The following ENOX1 variants were observed in gnomAD, a reference collection of about 807,000 sequenced individuals.
ENOX1 encodes the protein candidate growth-related and time keeping constitutive hydroquinone (NADH) oxidase.
In ENOX1, 42 loss-of-function variants were observed where a neutral mutation model predicts 82.5. The ratio of observed to expected loss-of-function variants is 0.51; its 90% confidence interval spans 0.40 to 0.66. ENOX1 has a LOEUF of 0.66. ENOX1 is among the 30% of genes least tolerant of loss of function. The pLI is 0.00. For missense variants in ENOX1, 608 were observed against 811.6 expected (o/e 0.75, Z 3.05); for synonymous variants, 271 against 282.2 (o/e 0.96, Z 0.40).
intron 2 of ENOX1, among the ~76,000 whole-genome samples, chr13:43,493,494 C>T (rs755419033): frequency 3.9e-5 from 6 of 152,188 alleles, no homozygotes; most frequent in Non-Finnish European, 8.8e-5. Flanking sequence ...TATCCAACAG[C>T]AGAAGGAAAA....
intron 1 of ENOX1, among the ~76,000 whole-genome samples, chr13:43,715,642 A>G (rs1006832438): frequency 6.6e-6 from 1 of 151,704 alleles, no homozygotes; most frequent in Non-Finnish European, 1.5e-5. Flanking sequence ...ATAGTCCCAT[A>G]TTTCTTGGAG....
In ENOX1 at chr13:43,540,239, ATTTG is replaced by A. The variant is rs150147532; in HGVS notation, c.-218-56091_-218-56088del. On this transcript the variant is annotated intron_variant, in intron 2 of 16. Transcript: ENST00000690772. ...ATCAGATCTGGTTCAGAAAAACATA[ATTTG>A]TTTTTTTCCCTAACACTATTCAGCA... Among the ~76,000 whole-genome samples, 141 of 152,308 alleles carry A rather than the reference ATTTG, an allele frequency of 9.3e-4. 1 individual carries two copies. Among genetic ancestry groups the A allele is most frequent in the African/African-American group, 3.1e-3 (128 of 41,570 alleles).
intron 1 of ENOX1, among the ~76,000 whole-genome samples, chr13:43,674,588 G>T (rs1566748433): frequency 6.6e-6 from 1 of 152,084 alleles, no homozygotes; most frequent in Non-Finnish European, 1.5e-5. Context: ...GGGGAGGGAA[G>T]GGAGGGAGGA....
At chr13:43,312,270 G>C in intron 11 of ENOX1, among the ~76,000 whole-genome samples, 1 of 152,274 alleles carries the variant, frequency 6.6e-6, no homozygotes, top group East Asian at 1.9e-4. Context: ...AGGTCCCTCA[G>C]ACTCTTATTT....
intron 2 of ENOX1, among the ~76,000 whole-genome samples, chr13:43,645,548 T>G (rs1264452082): frequency 6.6e-6 from 1 of 152,210 alleles, no homozygotes; most frequent in African/African-American, 2.4e-5. Flanking sequence ...TAAAGGTGAT[T>G]AAAGAGACAA....
chr13:43,528,863 G>C (rs2078090624), intron 2 of ENOX1, among the ~76,000 whole-genome samples: 1 of 151,906 alleles, frequency 6.6e-6, no homozygotes, highest in African/African-American at 2.4e-5. Context: ...TCATCATGCT[G>C]GGAAAGTGAT....
chr13:43,657,099 C>A (rs2084472368), intron 2 of ENOX1, among the ~76,000 whole-genome samples: 1 of 152,154 alleles, frequency 6.6e-6, no homozygotes, highest in Admixed American at 6.5e-5. Flanking sequence ...GTTGTATAGT[C>A]CACATTTTGT....
chr13:43,332,189 G>A (rs1425344261), intron 9 of ENOX1, among the ~76,000 whole-genome samples: 2 of 152,158 alleles, frequency 1.3e-5, no homozygotes, highest in African/African-American at 4.8e-5. Context: ...TTTGGCACCA[G>A]GAAATGGTTC....
At chr13:43,608,845 G>A (rs533893342) in intron 2 of ENOX1, among the ~76,000 whole-genome samples, 2 of 152,134 alleles carry the variant, frequency 1.3e-5, no homozygotes, top group South Asian at 4.2e-4. Context: ...CTTTCCTGTC[G>A]GGCACCCTGC....
intron 14 of ENOX1, among the ~76,000 whole-genome samples, chr13:43,248,016 C>G (rs1161410418): frequency 1.4e-5 from 2 of 144,982 alleles, no homozygotes; most frequent in African/African-American, 2.5e-5. Flanking sequence ...CTCCCAAGTA[C>G]CTGGGACTAC....
chr13:43,655,166 C>T (rs11619857), intron 2 of ENOX1, among the ~76,000 whole-genome samples: 2 of 152,254 alleles, frequency 1.3e-5, no homozygotes, highest in East Asian at 3.9e-4. Context: ...GGATGATCTT[C>T]TGGGAATGGG....
chr13:43,616,105 TAG>T (rs1364860147), intron 2 of ENOX1, among the ~76,000 whole-genome samples: 2 of 55,086 alleles, frequency 3.6e-5, no homozygotes, highest in Non-Finnish European at 9.0e-5. Flanking sequence ...TCTATATAGA[TAG>T]ATATCTATAG....
chr13:43,215,987 G>A (rs1271806333), intron 16 of ENOX1, among the ~76,000 whole-genome samples: 2 of 152,154 alleles, frequency 1.3e-5, no homozygotes, highest in South Asian at 4.1e-4. Flanking sequence ...ATGAGGTCAG[G>A]AGATCGAGGC....
At chr13:43,668,616 A>C (rs1364429826) in intron 1 of ENOX1, among the ~76,000 whole-genome samples, 1 of 152,216 alleles carries the variant, frequency 6.6e-6, no homozygotes, top group Non-Finnish European at 1.5e-5. Flanking sequence ...TTGTTCCATA[A>C]CTAGGTGCTC....
At chr13:43,493,022 T>C (rs1368727048) in intron 2 of ENOX1, among the ~76,000 whole-genome samples, 3 of 152,208 alleles carry the variant, frequency 2.0e-5, no homozygotes, top group Non-Finnish European at 4.4e-5. Context: ...AGACTGTCTT[T>C]GGATTTGAGC....
chr13:43,654,491 G>A (rs1158710684), intron 2 of ENOX1, among the ~76,000 whole-genome samples: 1 of 152,158 alleles, frequency 6.6e-6, no homozygotes, highest in Non-Finnish European at 1.5e-5. Flanking sequence ...AGGATTCAAA[G>A]GGATTTTCAG....
chr13:43,326,148 T>C (rs2048101253), intron 10 of ENOX1, among the ~76,000 whole-genome samples: 1 of 152,146 alleles, frequency 6.6e-6, no homozygotes, highest in South Asian at 2.1e-4. Flanking sequence ...CTAGGGAAAG[T>C]GTCTTGGTTT....
chr13:43,698,837 T>G (rs941407205), intron 1 of ENOX1, among the ~76,000 whole-genome samples: 1 of 152,186 alleles, frequency 6.6e-6, no homozygotes, highest in African/African-American at 2.4e-5. Context: ...GAGTCATATA[T>G]GCTGAGAAAC....
At chr13:43,667,591 T>A (rs2085044687) in intron 1 of ENOX1, 47 bp from the exon 2 acceptor site, 1 of 652,676 alleles carries the variant, frequency 1.5e-6, no homozygotes, top group Non-Finnish European at 1.9e-6. Flanking sequence ...AAACATCAAT[T>A]TCAGAGAGCT....
Sources: allele counts gnomAD v4.1 joint callset (sites outside exome capture counted in the v4.1 genomes callset), GRCh38; gene constraint gnomAD v4.1.1; transcripts MANE v1.5; gene names NCBI Gene and HGNC (gene_info 2026-07-23, HGNC 2026-07-21).